Variants in HYDIN observed in about 807,000 individuals in gnomAD.
HYDIN encodes the protein axonemal central pair apparatus protein HYDIN.
HYDIN carries 132 observed loss-of-function variants against 403.9 expected under a neutral mutation model. The ratio of observed to expected loss-of-function variants is 0.33; its 90% CI spans 0.28 to 0.38. The LOEUF is 0.38. Among genes scored for constraint, HYDIN ranks in the 10% least tolerant of loss-of-function variants. The probability of loss-of-function intolerance (pLI) is 1.00; values close to 1 mark genes in which losing one functional copy is unlikely to be tolerated. For missense variants in HYDIN, 2,827 were observed against 5,009.5 expected, an observed-to-expected ratio of 0.56 and a Z score of 13.15; for synonymous variants, 1,202 against 1,891.7, an observed-to-expected ratio of 0.64 and a Z score of 9.46.
intron 41 of HYDIN, among the ~76,000 whole-genome samples, chr16:70,951,430 C>G (rs531995518): frequency 3.3e-5 from 5 of 152,196 alleles, no homozygotes; most frequent in Admixed American, 3.3e-4. Flanking sequence ...CCACTCCCCT[C>G]GAGCATGCTC....
At chr16:71,017,385 C>T (rs1382514613) in intron 23 of HYDIN, among the ~76,000 whole-genome samples, 3 of 151,202 alleles carry the variant, frequency 2.0e-5, no homozygotes, top group African/African-American at 7.3e-5. Flanking sequence ...TGGCAGTTCC[C>T]CTCTCACTTG....
intron 8 of HYDIN, among the ~76,000 whole-genome samples, chr16:71,134,851 A>G (rs1226629591): frequency 6.6e-6 from 1 of 152,152 alleles, no homozygotes; most frequent in African/African-American, 2.4e-5. Flanking sequence ...CAATGGAGAG[A>G]AGAGCAAGAA....
In HYDIN at chr16:70,885,456, A is replaced by G. The variant is rs1336419644; in HGVS notation, c.9775-1332T>C. ...AGGTTGGAGAATAGTAGAAAATGGC[A>G]TGATGTTGTCTCAAAGGAGCAAGGT... On this transcript the variant is annotated intron_variant, in intron 58 of 85. Transcript: ENST00000393567. 2.6e-5 allele frequency among the ~76,000 whole-genome samples: 4 copies of G among 151,744 alleles called. No individual in the cohort carries two copies. The South Asian group carries it at 8.5e-4, about 32-fold the overall frequency.
chr16:70,933,385 G>C (rs1348383739), intron 45 of HYDIN, among the ~76,000 whole-genome samples: 9 of 145,314 alleles, frequency 6.2e-5, no homozygotes, highest in Non-Finnish European at 1.1e-4. Context: ...TAGATGATGA[G>C]CTTGGTGTGG....
At chr16:71,050,033 TGTGTGTGTGTGG>T (rs981048836) in intron 18 of HYDIN, among the ~76,000 whole-genome samples, 82 of 149,306 alleles carry the variant, frequency 5.5e-4, no homozygotes, top group African/African-American at 2.0e-3. Flanking sequence ...TTGGGGTGTG[TGTGTGTGTGTGG>T]GTGTGTGTGT....
chr16:70,985,138 G>A, intron 28 of HYDIN, 47 bp downstream of exon 28: 2 of 1,584,264 alleles, frequency 1.3e-6, no homozygotes, highest in Non-Finnish European at 1.7e-6. Flanking sequence ...CTGCTTCGGA[G>A]TGGGGCTCGT....
intron 65 of HYDIN, among the ~76,000 whole-genome samples, chr16:70,870,857 T>C (rs2040050777): frequency 6.7e-6 from 1 of 148,204 alleles, no homozygotes; most frequent in Non-Finnish European, 1.5e-5. Flanking sequence ...CGGTGAAACC[T>C]GTCTCTGCCA....
intron 10 of HYDIN, among the ~76,000 whole-genome samples, chr16:71,098,704 T>C (rs2144400301): frequency 6.7e-6 from 1 of 150,108 alleles, no homozygotes; most frequent in Non-Finnish European, 1.5e-5. Flanking sequence ...CCTAAAACTT[T>C]CTCCATCTGT....
intron 5 of HYDIN, among the ~76,000 whole-genome samples, chr16:71,168,319 C>CAAAA (rs71302043): frequency 2.3e-5 from 2 of 86,468 alleles, no homozygotes; most frequent in East Asian, 3.4e-4. Flanking sequence ...AACCCTGCTT[C>CAAAA]AAAAAAAAAA....
In HYDIN at chr16:70,819,908, C is replaced by T. The variant is rs1204923380; in HGVS notation, c.14428-1336G>A. Among the ~76,000 whole-genome samples the T allele has an allele frequency of 6.0e-5, 9 of 150,254 alleles. No homozygotes were observed. In the East Asian group the frequency reaches 1.4e-3, roughly 23 times the overall value. On this transcript the variant is annotated intron_variant, in intron 83 of 85. Transcript: ENST00000393567. ...CTGCAAGCTCTGCCTCCCGGGTTCA[C>T]GCCATTCTCCTGCCTCAGCCTCCCA...
intron 3 of HYDIN, among the ~76,000 whole-genome samples, chr16:71,181,254 C>A (rs549932553): frequency 1.4e-5 from 2 of 147,280 alleles, no homozygotes; most frequent in African/African-American, 2.5e-5. Context: ...TGAATTTATA[C>A]GGAAATGCAA....
chr16:71,179,997 A>T (rs1479075594), intron 3 of HYDIN, among the ~76,000 whole-genome samples: 1 of 152,198 alleles, frequency 6.6e-6, no homozygotes, highest in Admixed American at 6.5e-5. Flanking sequence ...AGCAAAATAA[A>T]TCCAAATAAA....
chr16:71,165,430 C>A (rs1432164146), intron 5 of HYDIN, among the ~76,000 whole-genome samples: 1 of 151,604 alleles, frequency 6.6e-6, no homozygotes, highest in East Asian at 1.9e-4. Context: ...CCCTCTCCTG[C>A]CCCATCACTC....
At chr16:70,944,694 C>T (rs936548308) in intron 41 of HYDIN, among the ~76,000 whole-genome samples, 3 of 152,088 alleles carry the variant, frequency 2.0e-5, no homozygotes, top group Admixed American at 6.5e-5. Context: ...TATTTTATTC[C>T]AAGTATTATG....
At chr16:70,902,884 G>A (rs1283919646) in intron 52 of HYDIN, among the ~76,000 whole-genome samples, 5 of 123,368 alleles carry the variant, frequency 4.1e-5, no homozygotes, top group Admixed American at 3.6e-4. Flanking sequence ...TCACAAATAT[G>A]TTAGTTAGAC....
intron 41 of HYDIN, among the ~76,000 whole-genome samples, chr16:70,950,783 T>C (rs11647212): frequency 6.6e-6 from 1 of 152,212 alleles, no homozygotes; most frequent in East Asian, 1.9e-4. Flanking sequence ...TCCCATTCTA[T>C]GTTCTCTTCT....
At chr16:70,818,607 A>C (rs1268314149) in intron 83 of HYDIN, 35 bp from the exon 84 acceptor site, 3 of 733,122 alleles carry the variant, frequency 4.1e-6, no homozygotes, top group Non-Finnish European at 7.1e-6. Flanking sequence ...GAAGGAGGGA[A>C]GAGTAGGGGT....
At chr16:71,139,015 C>T (rs1465638204) in intron 7 of HYDIN, among the ~76,000 whole-genome samples, 4 of 146,214 alleles carry the variant, frequency 2.7e-5, no homozygotes, top group Non-Finnish European at 4.5e-5. Context: ...ACCCGGGAGG[C>T]GGAGGTTGTG....
In HYDIN at chr16:71,116,730, T is replaced by C. The variant is rs915123040; in HGVS notation, c.1228-935A>G. 5.3e-5 allele frequency among the ~76,000 whole-genome samples: 8 copies of C among 152,174 alleles called. No homozygotes were observed. The South Asian group carries it at 1.0e-3, about 20-fold the overall frequency. ...AAGAAAGCATTCTTTCACCAGCAGA[T>C]AGTAAATGTATACTTCTTGATAACT... On this transcript the variant is annotated intron_variant, in intron 9 of 85. Coordinates refer to ENST00000393567, the MANE Select transcript of HYDIN (RefSeq NM_001270974.2).
Sources: gnomAD v4.1 joint callset for allele counts (sites outside exome capture counted in the v4.1 genomes callset) on GRCh38, gnomAD v4.1.1 for gene constraint, MANE v1.5 for transcripts, NCBI Gene and HGNC (gene_info 2026-07-23, HGNC 2026-07-21) for gene names.